Variants in SYT16 observed in about 807,000 individuals in gnomAD.
The protein encoded by SYT16 is synaptotagmin-16.
A neutral mutation model predicts 61.4 loss-of-function variants in SYT16; 42 were observed. The observed-to-expected ratio is 0.68, with a 90% CI of 0.53 to 0.89. The LOEUF (loss-of-function observed/expected upper bound fraction) is 0.89. SYT16 is among the 40% of genes least tolerant of loss of function. SYT16 has a pLI of 0.00. For synonymous variants in SYT16, 314 were observed against 302.3 expected (o/e 1.04, Z -0.40); for missense variants, 804 against 807.3 (o/e 1.00, Z 0.05).
intron 1 of SYT16, among the ~76,000 whole-genome samples, chr14:61,870,277 A>C (rs2047289929): frequency 1.3e-5 from 2 of 152,172 alleles, no homozygotes; most frequent in Admixed American, 1.3e-4. Flanking sequence ...TCATTGCTTT[A>C]AATACGTTGT....
intron 3 of SYT16, among the ~76,000 whole-genome samples, chr14:62,031,752 A>G (rs1293481540): frequency 6.6e-6 from 1 of 152,148 alleles, no homozygotes; most frequent in Non-Finnish European, 1.5e-5. Flanking sequence ...TCTAGGTAAG[A>G]TGGTAACTTA....
At chr14:62,013,940 C>T (rs557238212) in intron 3 of SYT16, among the ~76,000 whole-genome samples, 81 of 150,806 alleles carry the variant, frequency 5.4e-4, no homozygotes, top group African/African-American at 1.8e-3. Flanking sequence ...CTCCAGCCTG[C>T]GCAACAGAGC....
At chr14:61,836,811 T>G (rs1394942239) in intron 1 of SYT16, among the ~76,000 whole-genome samples, 7 of 152,252 alleles carry the variant, frequency 4.6e-5, no homozygotes, top group African/African-American at 1.4e-4. Context: ...ATGTCTGTCT[T>G]AATTTCTTTC....
At chr14:61,986,421 T>C (rs980108673) in intron 2 of SYT16, among the ~76,000 whole-genome samples, 3 of 149,986 alleles carry the variant, frequency 2.0e-5, no homozygotes, top group African/African-American at 7.3e-5. Context: ...GAACAGGTAC[T>C]TTTTTATTTT....
At chr14:62,004,979 G>C (rs879563691) in intron 3 of SYT16, among the ~76,000 whole-genome samples, 11 of 152,322 alleles carry the variant, frequency 7.2e-5, no homozygotes, top group African/African-American at 2.6e-4. Context: ...AGGGGTGGTA[G>C]ATGAGGCTTC....
At chr14:61,986,291 A>G (rs1448383437) in intron 2 of SYT16, among the ~76,000 whole-genome samples, 1 of 152,004 alleles carries the variant, frequency 6.6e-6, no homozygotes, top group Non-Finnish European at 1.5e-5. Flanking sequence ...GCTCCTATCA[A>G]AAGACTAATA....
At chr14:62,034,173 A>G (rs945892047) in intron 3 of SYT16, among the ~76,000 whole-genome samples, 1 of 152,204 alleles carries the variant, frequency 6.6e-6, no homozygotes, top group African/African-American at 2.4e-5. Context: ...ACCCACCAGC[A>G]AGGCTGTAAT....
At position 62,110,171 on chromosome 14, in the gene SYT16, T is replaced by C. The variant is rs1186733015; in HGVS notation, c.*9464T>C. The C allele has an allele frequency of 1.3e-5, 2 of 152,300 alleles. No homozygotes were observed. Among genetic ancestry groups the C allele is most frequent in the East Asian group, 1.9e-4 (1 of 5,190 alleles). The allele number at this position is 152,300 out of a possible 1,614,324, so 9.4% of individuals were successfully genotyped here. A position where few individuals can be genotyped will look rare whatever the true frequency, so the allele number is the denominator to read the frequency against. On this transcript the variant is annotated 3_prime_UTR_variant, in exon 8 of 8. Transcript: ENST00000683842. ...TGAAGGTATAGTTGTATAAAGAATA[T>C]TGGATTAAAGTTGATGAGGCCTGTG...
At chr14:62,066,828 GC>G (rs895532330) in intron 3 of SYT16, among the ~76,000 whole-genome samples, 32 of 152,314 alleles carry the variant, frequency 2.1e-4, no homozygotes, top group African/African-American at 7.7e-4. Flanking sequence ...TGTGCTCCTC[GC>G]CCTCATGGTA....
chr14:61,907,000 T>A (rs1015672491), intron 1 of SYT16, among the ~76,000 whole-genome samples: 5 of 152,232 alleles, frequency 3.3e-5, no homozygotes, highest in Admixed American at 6.5e-5. Context: ...TCATACCCTG[T>A]GCTAGAAGTT....
chr14:61,908,109 G>A (rs2048795116), intron 1 of SYT16, among the ~76,000 whole-genome samples: 1 of 152,206 alleles, frequency 6.6e-6, no homozygotes, highest in Non-Finnish European at 1.5e-5. Context: ...ACCAGCCTTT[G>A]GCCTTTAAAG....
chr14:62,073,718 A>G (rs1595351476), intron 4 of SYT16, among the ~76,000 whole-genome samples: 1 of 151,716 alleles, frequency 6.6e-6, no homozygotes, highest in African/African-American at 2.4e-5. Context: ...ACATATTTTT[A>G]AAATTTGAAT....
At chr14:61,974,251 G>C (rs1266867963) in intron 2 of SYT16, among the ~76,000 whole-genome samples, 1 of 152,154 alleles carries the variant, frequency 6.6e-6, no homozygotes, top group Middle Eastern at 3.2e-3. Context: ...AGTTATTGCA[G>C]CTTACCATGA....
intron 1 of SYT16, among the ~76,000 whole-genome samples, chr14:61,928,699 G>T (rs2049633104): frequency 6.6e-6 from 1 of 152,170 alleles, no homozygotes; most frequent in African/African-American, 2.4e-5. Context: ...TAAGTCTGTA[G>T]ATATCGGCTA....
chr14:61,971,977 T>C (rs1189346003), intron 2 of SYT16, among the ~76,000 whole-genome samples: 1 of 152,226 alleles, frequency 6.6e-6, no homozygotes, highest in Non-Finnish European at 1.5e-5. Context: ...TTCATCATGA[T>C]TCTATTTCTC....
chr14:61,886,912 C>A (rs217687), intron 1 of SYT16, among the ~76,000 whole-genome samples: 59,171 of 101,522 alleles, frequency 0.58, 14,136 homozygotes, highest in East Asian at 0.78. Context: ...TTTTTTTTTT[C>A]CTTTTTATGG....
chr14:61,904,530 T>A (rs1038694022), intron 1 of SYT16, among the ~76,000 whole-genome samples: 3 of 152,230 alleles, frequency 2.0e-5, no homozygotes, highest in Non-Finnish European at 4.4e-5. Context: ...GTGCTGGCTT[T>A]TGCTGGTTTG....
At chr14:62,063,471 A>C (rs1049498548) in intron 3 of SYT16, among the ~76,000 whole-genome samples, 5 of 152,198 alleles carry the variant, frequency 3.3e-5, no homozygotes, top group African/African-American at 1.2e-4. Context: ...AAGGGATATC[A>C]AAATGAGGAC....
chr14:62,081,491 A>G (rs1045186572), intron 6 of SYT16, among the ~76,000 whole-genome samples: 21 of 152,172 alleles, frequency 1.4e-4, no homozygotes, highest in African/African-American at 4.3e-4. Context: ...TGCCCTGTCC[A>G]TTTTAGGACA....
Sources: gnomAD v4.1 joint callset for allele counts (sites outside exome capture counted in the v4.1 genomes callset) on GRCh38, gnomAD v4.1.1 for gene constraint, MANE v1.5 for transcripts, NCBI Gene and HGNC (gene_info 2026-07-23, HGNC 2026-07-21) for gene names.